TMEM132C: variants seen among roughly 807,000 people sequenced by gnomAD.
The protein encoded by TMEM132C is transmembrane protein 132C, also known as protein phosphatase 1, regulatory subunit 152.
TMEM132C carries 29 observed loss-of-function variants against 61.4 expected under a neutral mutation model. The observed-to-expected ratio is 0.47, with a 90% CI of 0.35 to 0.64. The LOEUF (loss-of-function observed/expected upper bound fraction) is 0.64. Among genes scored for constraint, TMEM132C ranks in the 30% least tolerant of loss-of-function variants. The pLI, the probability that TMEM132C is intolerant of heterozygous loss-of-function variation, is 0.00. For missense variants in TMEM132C, 1,408 were observed against 1,476.9 expected (o/e 0.95, Z 0.76); for synonymous variants, 656 against 633.1 (o/e 1.04, Z -0.54).
chr12:128,344,844 C>T (rs1340969649), intron 1 of TMEM132C, among the ~76,000 whole-genome samples: 1 of 151,358 alleles, frequency 6.6e-6, no homozygotes, highest in Non-Finnish European at 1.5e-5. Context: ...CCAAATTGTT[C>T]TTATTTCAAA....
At position 128,705,476 on chromosome 12, in the gene TMEM132C, A is replaced by T. The variant is rs11059841; in HGVS notation, c.2508A>T (p.Gln836His). ...QKGQHHERTG[Q>H]DGHLYGSSPV... is the part of the protein sequence containing the mutation. ...GCCAGCACCATGAGCGCACAGGCCA[A>T]GATGGGCACCTCTATGGCAGCTCTC... Residue 836 changes from glutamine (Q) to histidine (H), a missense_variant, in exon 9 of 9, where the codon CAA becomes CAT. Physicochemically the swap from Gln to His is conservative, Grantham distance 24 (BLOSUM62 0). Coordinates refer to ENST00000435159, the MANE Select transcript of TMEM132C (RefSeq NM_001136103.3). The T allele has an allele frequency of 6.4e-7, 1 of 1,551,206 alleles. No individual in the cohort carries two copies.
At chr12:128,468,284 C>T (rs930970870) in intron 2 of TMEM132C, among the ~76,000 whole-genome samples, 1 of 151,784 alleles carries the variant, frequency 6.6e-6, no homozygotes, top group Non-Finnish European at 1.5e-5. Flanking sequence ...CTCCTGAAAG[C>T]ACAAGTAAGC....
chr12:128,606,059 G>C (rs1876413188), intron 3 of TMEM132C, among the ~76,000 whole-genome samples: 1 of 152,260 alleles, frequency 6.6e-6, no homozygotes, highest in Admixed American at 6.5e-5. Flanking sequence ...TGTGATGTCT[G>C]TGGAGCACCA....
rs546756917 is a variant in TMEM132C, at chr12:128,641,752, G to A, written c.1305+25417G>A. On this transcript the variant is annotated intron_variant, in intron 4 of 8. Transcript: ENST00000435159. ...TGTGGTCATGCGTTATAGCAGCCAC[G>A]GGAAACTAATCTAAAATTGGTATTA... is the stretch of plus-strand genomic sequence containing the variant. Among the ~76,000 whole-genome samples, 143 of 152,272 alleles carry A rather than the reference G, an allele frequency of 9.4e-4. 1 individual carries two copies. The highest frequency in any genetic ancestry group is 3.4e-3 in the Middle Eastern group (1 of 294).
chr12:128,315,696 C>G (rs1872130731), intron 1 of TMEM132C, among the ~76,000 whole-genome samples: 1 of 152,008 alleles, frequency 6.6e-6, no homozygotes, highest in Admixed American at 6.5e-5. Flanking sequence ...GAAACAGGGT[C>G]ATTGCAGATG....
At position 128,622,086 on chromosome 12, in the gene TMEM132C, A is replaced by G. The variant is rs573546325; in HGVS notation, c.1305+5751A>G. On this transcript the variant is annotated intron_variant, in intron 4 of 8. Transcript: ENST00000435159. ...GGGCTGGGCATGGTGGCTTACACCT[A>G]TAATCCCAGCACTTTGGGAAGCTGA... Among the ~76,000 whole-genome samples the G allele has an allele frequency of 1.8e-3, 268 of 152,036 alleles. 1 individual carries two copies. Among genetic ancestry groups the G allele is most frequent in the South Asian group, 0.012 (59 of 4,816 alleles).
intron 5 of TMEM132C, among the ~76,000 whole-genome samples, chr12:128,686,936 C>T (rs971830643): frequency 1.3e-5 from 2 of 151,996 alleles, no homozygotes; most frequent in African/African-American, 4.8e-5. Context: ...GTAGCTCACA[C>T]CTGTAATCCC....
chr12:128,705,803 C>T lies in TMEM132C; in HGVS notation c.2835C>T (p.Cys945=), dbSNP rs1447071874. 3.8e-5 allele frequency: 59 copies of T among 1,551,518 alleles called. No homozygotes were observed. Among genetic ancestry groups the T allele is most frequent in the Non-Finnish European group, 4.4e-5 (51 of 1,147,062 alleles). Residue 945 remains cysteine, a synonymous_variant, in exon 9 of 9, where the codon TGC becomes TGT. Transcript: ENST00000435159. Reference sequence around the variant, plus strand: ...CCATCCTCGTCTTCCTGATCAACTGCGCCACCTTTGCCCTGAAGTACAGGC... The same window carrying T: ...CCATCCTCGTCTTCCTGATCAACTGTGCCACCTTTGCCCTGAAGTACAGGC... ...CLAILVFLIN[C]ATFALKYRHK...
At position 128,527,588 on chromosome 12, in the gene TMEM132C, T is replaced by C. The variant is rs576676020; in HGVS notation, c.975-16369T>C. 2.6e-5 allele frequency among the ~76,000 whole-genome samples: 4 copies of C among 152,290 alleles called. No homozygotes were observed. The South Asian group carries it at 6.2e-4, about 24-fold the overall frequency. On this transcript the variant is annotated intron_variant, in intron 2 of 8. Coordinates refer to ENST00000435159, the MANE Select transcript of TMEM132C (RefSeq NM_001136103.3). ...ATGGGCTCTTTTGCCCTTTTGGGGT[T>C]TTATTATTAATACACTCTTTTGCAG...
chr12:128,518,663 C>G lies in TMEM132C; in HGVS notation c.975-25294C>G, dbSNP rs555029722. ...TAAAAGTAATACTTCTTTTGATCTT[C>G]AGCTTCAATCTAAACCGCCTACCCT... On this transcript the variant is annotated intron_variant, in intron 2 of 8. Coordinates refer to ENST00000435159, the MANE Select transcript of TMEM132C (RefSeq NM_001136103.3). 2.0e-5 allele frequency among the ~76,000 whole-genome samples: 3 copies of G among 152,292 alleles called. 1 individual carries two copies. In the South Asian group the frequency reaches 6.2e-4, roughly 32 times the overall value.
At chr12:128,303,968 C>T (rs949870288) in intron 1 of TMEM132C, among the ~76,000 whole-genome samples, 2 of 152,032 alleles carry the variant, frequency 1.3e-5, no homozygotes, top group African/African-American at 4.8e-5. Flanking sequence ...CCATTCTTGA[C>T]CAACGAGACC....
chr12:128,466,644 T>A (rs1469096091), intron 2 of TMEM132C, among the ~76,000 whole-genome samples: 1 of 152,114 alleles, frequency 6.6e-6, no homozygotes, highest in Non-Finnish European at 1.5e-5. Flanking sequence ...CCATACTCCA[T>A]CCTCTGCCTC....
At chr12:128,701,861 T>A (rs1014445440) in intron 8 of TMEM132C, among the ~76,000 whole-genome samples, 1 of 151,928 alleles carries the variant, frequency 6.6e-6, no homozygotes, top group African/African-American at 2.4e-5. Context: ...CGTGGCTCTT[T>A]GCACCCCTTC....
At chr12:128,296,852 T>A (rs1023718958) in intron 1 of TMEM132C, among the ~76,000 whole-genome samples, 2 of 152,212 alleles carry the variant, frequency 1.3e-5, no homozygotes, top group African/African-American at 4.8e-5. Context: ...AAGTGTTTTC[T>A]TCTAACCAGC....
intron 1 of TMEM132C, among the ~76,000 whole-genome samples, chr12:128,298,206 G>T (rs934374705): frequency 6.6e-6 from 1 of 152,152 alleles, no homozygotes; most frequent in Admixed American, 6.5e-5. Flanking sequence ...CCCCAGTGCG[G>T]CTCCCATTGT....
chr12:128,305,854 G>A (rs2135922568), intron 1 of TMEM132C, among the ~76,000 whole-genome samples: 1 of 152,300 alleles, frequency 6.6e-6, no homozygotes, highest in African/African-American at 2.4e-5. Flanking sequence ...ATGGTTTGGT[G>A]CCTGCCTGTA....
chr12:128,518,096 G>A (rs1020724466), intron 2 of TMEM132C, among the ~76,000 whole-genome samples: 9 of 152,158 alleles, frequency 5.9e-5, no homozygotes, highest in African/African-American at 1.4e-4. Context: ...TATTAGAATC[G>A]ACATCTTATG....
intron 1 of TMEM132C, among the ~76,000 whole-genome samples, chr12:128,365,900 ATT>A (rs1873852385): frequency 6.6e-6 from 1 of 152,096 alleles, no homozygotes; most frequent in South Asian, 2.1e-4. Flanking sequence ...GAAGGCTGTG[ATT>A]TATACGCGCA....
At chr12:128,677,066 C>G (rs1317235726) in intron 5 of TMEM132C, among the ~76,000 whole-genome samples, 1 of 152,204 alleles carries the variant, frequency 6.6e-6, no homozygotes, top group African/African-American at 2.4e-5. Flanking sequence ...GAAAAACATG[C>G]AATATGGACA....
Sources: allele counts gnomAD v4.1 joint callset (sites outside exome capture counted in the v4.1 genomes callset), GRCh38; gene constraint gnomAD v4.1.1; transcripts MANE v1.5; gene names NCBI Gene and HGNC (gene_info 2026-07-23, HGNC 2026-07-21).